Variants in RTTN observed in about 807,000 individuals in gnomAD.
RTTN encodes rotatin.
Under a neutral mutation model 269.2 loss-of-function variants are expected in RTTN, and 182 were observed. The ratio of observed to expected loss-of-function variants is 0.68; its 90% CI spans 0.60 to 0.76. The LOEUF (loss-of-function observed/expected upper bound fraction) is 0.76, where lower values mean the gene tolerates loss of function less well. Ranked by LOEUF, RTTN falls within the 30% of genes least tolerant of loss-of-function variation. The probability of loss-of-function intolerance (pLI) is 0.00; values close to 1 mark genes in which losing one functional copy is unlikely to be tolerated. For synonymous variants in RTTN, 1,006 were observed against 963.5 expected (o/e 1.04, Z -0.82); for missense variants, 2,545 against 2,608.6 (o/e 0.98, Z 0.53).
At chr18:70,143,211 G>GA (rs2060303809) in intron 18 of RTTN, among the ~76,000 whole-genome samples, 1 of 150,726 alleles carries the variant, frequency 6.6e-6, no homozygotes, top group Admixed American at 6.6e-5. Context: ...GAGCTGTTTG[G>GA]TTTTTTTTTG....
At chr18:70,039,228 C>T (rs892766549) in intron 40 of RTTN, among the ~76,000 whole-genome samples, 2 of 151,892 alleles carry the variant, frequency 1.3e-5, no homozygotes, top group Non-Finnish European at 2.9e-5. Context: ...GACCACCAAG[C>T]AGATTTAACC....
At chr18:70,167,054 C>G in intron 12 of RTTN, 23 bp from the exon 13 acceptor site, 2 of 1,462,094 alleles carry the variant, frequency 1.4e-6, no homozygotes, top group Admixed American at 3.4e-5. Flanking sequence ...CAGAATGGAA[C>G]AATAAATGTC....
At position 70,006,597 on chromosome 18, in the gene RTTN, T is replaced by G. The variant is rs573353381; in HGVS notation, c.6422-113A>C. 5.1e-6 allele frequency: 4 copies of G among 786,708 alleles called. No homozygotes were observed. In the South Asian group the frequency reaches 6.4e-5, roughly 13 times the overall value. The allele number at this position is 786,708 out of a possible 1,614,324, so 48.7% of individuals were successfully genotyped here. ...TCCCATTAGAATGCATACATAAAGT[T>G]GGTATCACTAGACTATGGCAAAACC... On this transcript the variant is annotated intron_variant, in intron 46 of 48. Transcript: ENST00000640769.
chr18:70,126,236 G>A (rs1340036449), intron 25 of RTTN, among the ~76,000 whole-genome samples: 1 of 152,030 alleles, frequency 6.6e-6, no homozygotes, highest in African/African-American at 2.4e-5. Context: ...TATTTCTATG[G>A]TTTTAATTCA....
At chr18:70,127,778 A>G in intron 24 of RTTN, 37 bp from the exon 25 acceptor site, 2 of 1,543,232 alleles carry the variant, frequency 1.3e-6, no homozygotes, top group Non-Finnish European at 1.8e-6. Context: ...AGGAACATAA[A>G]GCTATTTAAA....
chr18:70,160,332 C>G (rs1158301141), intron 14 of RTTN, among the ~76,000 whole-genome samples: 2 of 149,758 alleles, frequency 1.3e-5, no homozygotes, highest in African/African-American at 4.8e-5. Flanking sequence ...AAAAGAAAAA[C>G]CACATGATCA....
At chr18:70,020,483 C>A in intron 45 of RTTN, 132 bp downstream of exon 45, 1 of 893,926 alleles carries the variant, frequency 1.1e-6, no homozygotes, top group Non-Finnish European at 1.7e-6. Flanking sequence ...AACCTCTTAA[C>A]CCTTTTATAA....
intron 46 of RTTN, among the ~76,000 whole-genome samples, chr18:70,016,074 C>T (rs887987894): frequency 6.6e-6 from 1 of 152,116 alleles, no homozygotes; most frequent in Non-Finnish European, 1.5e-5. Context: ...CAGCAGCCAC[C>T]GGAAGGCAGA....
At position 70,109,695 on chromosome 18, in the gene RTTN, C is replaced by T. The variant is rs769767140; in HGVS notation, c.3706G>A (p.Val1236Ile). The T allele has an allele frequency of 1.1e-5, 17 of 1,613,732 alleles. No individual in the cohort carries two copies. Among genetic ancestry groups the T allele is most frequent in the South Asian group, 2.2e-5 (2 of 91,058 alleles). ...TTCAGAGCCAGCTGCGTTTGAAAAA[C>T]GTAAAGAAGTTCCGAGCATTTCCTA... ...TDRKCSELLY[V>I]FQTQLALKLL... is the part of the protein sequence containing the mutation. The change falls in exon 28 of 49, where the codon GTT becomes ATT. Residue 1236 changes from valine (V) to isoleucine (I), a missense_variant. Physicochemically the swap from Val to Ile is conservative, Grantham distance 29 (BLOSUM62 3). Coordinates refer to ENST00000640769, the MANE Select transcript of RTTN (RefSeq NM_173630.4).
chr18:70,072,343 T>C (rs1397400575), intron 34 of RTTN, among the ~76,000 whole-genome samples: 1 of 152,118 alleles, frequency 6.6e-6, no homozygotes, highest in East Asian at 1.9e-4. Flanking sequence ...ACTGAAAAGA[T>C]TCCATTGGTA....
At chr18:70,156,482 G>A (rs1165710737) in intron 14 of RTTN, among the ~76,000 whole-genome samples, 8 of 152,056 alleles carry the variant, frequency 5.3e-5, no homozygotes, top group East Asian at 1.9e-4. Context: ...TTTTGCCTGC[G>A]GTCCTGCGGT....
chr18:70,046,112 C>T (rs2057484134), intron 40 of RTTN, among the ~76,000 whole-genome samples: 1 of 152,080 alleles, frequency 6.6e-6, no homozygotes, highest in Non-Finnish European at 1.5e-5. Flanking sequence ...TACATGGATC[C>T]ATATGCATCA....
rs1161607722 is a variant in RTTN at position 70,197,598 on chromosome 18, C to G, written c.693+26G>C. The G allele has an allele frequency of 2.1e-6, 3 of 1,460,286 alleles. No homozygotes were observed. In the South Asian group the frequency reaches 3.4e-5, roughly 17 times the overall value. 90.5% of individuals were successfully genotyped at this position (1,460,286 alleles called of 1,614,324 possible). A position where few individuals can be genotyped will look rare whatever the true frequency, so the allele number is the denominator to read the frequency against. ...TGCAAAAAGTTCTCTAGTTCAAAATCTAAAACAATTATAGAGGGCACTGAC... is the reference window on the plus strand; with the variant it reads ...TGCAAAAAGTTCTCTAGTTCAAAATGTAAAACAATTATAGAGGGCACTGAC... On this transcript the variant is annotated intron_variant, in intron 6 of 48. Coordinates refer to ENST00000640769, the MANE Select transcript of RTTN (RefSeq NM_173630.4).
intron 11 of RTTN, among the ~76,000 whole-genome samples, chr18:70,171,679 C>G (rs1044819135): frequency 6.6e-6 from 1 of 152,180 alleles, no homozygotes; most frequent in Non-Finnish European, 1.5e-5. Flanking sequence ...AAATCCATCA[C>G]CCCATTAGAT....
chr18:70,072,290 T>C (rs1456448127), intron 34 of RTTN, among the ~76,000 whole-genome samples: 3 of 152,104 alleles, frequency 2.0e-5, no homozygotes, highest in East Asian at 1.9e-4. Context: ...GAGAAAATAA[T>C]AAGAAATAAA....
intron 23 of RTTN, among the ~76,000 whole-genome samples, chr18:70,132,763 T>C (rs953749126): frequency 2.0e-5 from 3 of 151,592 alleles, no homozygotes; most frequent in Non-Finnish European, 4.4e-5. Flanking sequence ...AGGAAGAAAA[T>C]AATAAAAAGC....
intron 21 of RTTN, among the ~76,000 whole-genome samples, chr18:70,137,430 C>G (rs1341420151): frequency 6.6e-6 from 1 of 152,072 alleles, no homozygotes; most frequent in African/African-American, 2.4e-5. Flanking sequence ...TTATTGTACT[C>G]ATTTGATCCA....
rs1441477107 is a variant in RTTN, at chr18:70,135,167, A to G, written c.2885+17T>C. On this transcript the variant is annotated intron_variant, in intron 22 of 48. Coordinates refer to ENST00000640769, the MANE Select transcript of RTTN (RefSeq NM_173630.4). ...AAATAGTTAAGAGTAAAAAACTTAT[A>G]AATTCTTATATCTCACCACATATCC... 2 of 1,382,870 alleles carry G rather than the reference A, an allele frequency of 1.4e-6. No homozygotes were observed. The highest frequency in any genetic ancestry group is 2.0e-6 in the Non-Finnish European group (2 of 1,011,142). The allele number at this position is 1,382,870 out of a possible 1,614,324, so 85.7% of individuals were successfully genotyped here.
intron 27 of RTTN, among the ~76,000 whole-genome samples, chr18:70,113,435 G>C (rs1801726766): frequency 6.6e-6 from 1 of 152,160 alleles, no homozygotes; most frequent in Non-Finnish European, 1.5e-5. Flanking sequence ...TTGCTGGTGG[G>C]AATGTAAAAT....
Sources: allele counts gnomAD v4.1 joint callset (sites outside exome capture counted in the v4.1 genomes callset), GRCh38; gene constraint gnomAD v4.1.1; transcripts MANE v1.5; gene names NCBI Gene and HGNC (gene_info 2026-07-23, HGNC 2026-07-21).